The following GNPTAB variants were observed in gnomAD, a reference collection of about 807,000 sequenced individuals.
The protein encoded by GNPTAB is N-acetylglucosamine-1-phosphate transferase subunits alpha and beta.
A neutral mutation model predicts 136.6 loss-of-function variants in GNPTAB; 92 were observed. The observed-to-expected ratio is 0.67, with a 90% confidence interval of 0.57 to 0.80. The LOEUF is 0.80. GNPTAB is among the 30% of genes least tolerant of loss of function. The pLI is 0.00. For synonymous variants in GNPTAB, 512 were observed against 535.1 expected, an observed-to-expected ratio of 0.96 and a Z score of 0.60; for missense variants, 1,343 against 1,501.8, an observed-to-expected ratio of 0.89 and a Z score of 1.75.
At chr12:101,804,561 C>T (rs1218690416) in intron 1 of GNPTAB, among the ~76,000 whole-genome samples, 2 of 152,150 alleles carry the variant, frequency 1.3e-5, no homozygotes, top group African/African-American at 4.8e-5. Context: ...TGAGGGTAGA[C>T]CTGCACTGTC....
At chr12:101,819,198 G>A (rs775801220) in intron 1 of GNPTAB, among the ~76,000 whole-genome samples, 1 of 152,070 alleles carries the variant, frequency 6.6e-6, no homozygotes, top group Non-Finnish European at 1.5e-5. Context: ...TTTTGGTAGA[G>A]ACAGGGTTTC....
chr12:101,751,867 C>T (rs765993650), intron 19 of GNPTAB, among the ~76,000 whole-genome samples: 18 of 152,144 alleles, frequency 1.2e-4, no homozygotes, highest in Admixed American at 2.6e-4. Flanking sequence ...GGTTCATACG[C>T]GGGCTCCCCC....
intron 5 of GNPTAB, among the ~76,000 whole-genome samples, chr12:101,781,705 T>C (rs756724065): frequency 1.1e-4 from 16 of 151,924 alleles, no homozygotes; most frequent in Non-Finnish European, 1.9e-4. Flanking sequence ...AAAAACAATA[T>C]AGTTGGTGAG....
chr12:101,766,408 A>C (rs1953094602), intron 11 of GNPTAB, 114 bp from the exon 12 acceptor site: 2 of 883,074 alleles, frequency 2.3e-6, no homozygotes, highest in Non-Finnish European at 3.7e-6. Context: ...GAGGCAGAGG[A>C]GGCTGGATCA....
At chr12:101,779,304 T>C (rs1285310213) in intron 7 of GNPTAB, 1 of 152,208 alleles carries the variant, frequency 6.6e-6, no homozygotes, top group Non-Finnish European at 1.5e-5. Flanking sequence ...AAGGACTTTA[T>C]GCTCTCTACT....
intron 7 of GNPTAB, chr12:101,779,473 G>A (rs12229901): frequency 0.098 from 15,084 of 153,230 alleles, 890 homozygotes; most frequent in Middle Eastern, 0.2. Flanking sequence ...GAAAAGGCAC[G>A]TCCCAGGCCA....
At chr12:101,798,287 A>C (rs1163531228) in intron 1 of GNPTAB, among the ~76,000 whole-genome samples, 3 of 151,992 alleles carry the variant, frequency 2.0e-5, no homozygotes, top group Non-Finnish European at 1.5e-5. Flanking sequence ...CCTTCTATCT[A>C]ATCTTTCTGT....
intron 19 of GNPTAB, 61 bp downstream of exon 19, chr12:101,753,311 A>T: frequency 8.3e-7 from 1 of 1,211,908 alleles, no homozygotes; most frequent in Non-Finnish European, 1.2e-6. Flanking sequence ...ACTAACATAT[A>T]GATACATATG....
At chr12:101,796,072 GCTCCTCCCTCAT>G (rs1869263998) in intron 2 of GNPTAB, 1 of 588,852 alleles carries the variant, frequency 1.7e-6, no homozygotes, top group Non-Finnish European at 3.0e-6. Context: ...GAGGCTATTT[GCTCCTCCCTCAT>G]AGGTAAGCAG....
intron 7 of GNPTAB, chr12:101,773,519 A>G (rs1953214445): frequency 6.2e-6 from 1 of 160,684 alleles, no homozygotes; most frequent in South Asian, 1.5e-4. Context: ...GTCTAGTTTA[A>G]TTTCATAACT....
rs1952853493 is a variant in GNPTAB at position 101,753,486 on chromosome 12, G to T, written c.3488C>A (p.Thr1163Lys). The stretch of plus-strand genomic sequence containing the variant: ...GAAGTCCCTGAGAACAGCCTTCACT[G>T]TCTGAGCATCTTTATGATTGTGGTC... ...NIDHNHKDAQ[T>K]VKAVLRDFYE... is the part of the protein sequence containing the mutation. Residue 1163 changes from threonine (T) to lysine (K), a missense_variant, in exon 19 of 21, where the codon ACA (threonine) becomes AAA (lysine). Transcript: ENST00000299314. 4.3e-6 allele frequency: 7 copies of T among 1,613,730 alleles called. No homozygotes were observed. The highest frequency in any genetic ancestry group is 5.9e-6 in the Non-Finnish European group (7 of 1,179,622).
intron 11 of GNPTAB, among the ~76,000 whole-genome samples, chr12:101,766,761 A>G (rs1223048553): frequency 6.6e-6 from 1 of 152,258 alleles, no homozygotes; most frequent in Non-Finnish European, 1.5e-5. Context: ...ATACCTTAAG[A>G]AGAAAATAAA....
rs375264593 is a variant in GNPTAB, at chr12:101,790,007, G to C, written c.254C>G (p.Thr85Arg). 1.9e-6 allele frequency: 3 copies of C among 1,614,096 alleles called. No individual in the cohort carries two copies. Among genetic ancestry groups the C allele is most frequent in the Non-Finnish European group, 1.7e-6 (2 of 1,180,002 alleles). Residue 85 changes from threonine to arginine, a missense_variant, in exon 3 of 21, where the codon ACA becomes AGA. By Grantham distance (71) the Thr-to-Arg change is moderately conservative. Coordinates refer to ENST00000299314, the MANE Select transcript of GNPTAB (RefSeq NM_024312.5). ...TAGTTCCTTCAGTAGTTCAAGATCT[G>C]TGCCATTCACCCAGGTGTAAACAAC... ...IDVVYTWVNG[T>R]DLELLKELQQ...
intron 10 of GNPTAB, among the ~76,000 whole-genome samples, chr12:101,769,734 C>T (rs1283130895): frequency 6.6e-6 from 1 of 151,958 alleles, no homozygotes; most frequent in Non-Finnish European, 1.5e-5. Flanking sequence ...CCTACTCCCC[C>T]CACGGCCCCC....
At chr12:101,775,156 C>T (rs1441841666) in intron 7 of GNPTAB, among the ~76,000 whole-genome samples, 1 of 152,196 alleles carries the variant, frequency 6.6e-6, no homozygotes, top group African/African-American at 2.4e-5. Context: ...TCCAAAATAA[C>T]AAGGCTTTCC....
chr12:101,765,328 AT>A lies in GNPTAB; in HGVS notation c.1613-25del, dbSNP rs546802775. 3,806 of 1,424,076 alleles carry A rather than the reference AT, an allele frequency of 2.7e-3. No individual in the cohort carries two copies. The highest frequency in any genetic ancestry group is 3.2e-3 in the Non-Finnish European group (3,249 of 1,024,526). 88.2% of individuals were successfully genotyped at this position (1,424,076 alleles called of 1,614,324 possible). On this transcript the variant is annotated intron_variant, in intron 12 of 20. Coordinates refer to ENST00000299314, the MANE Select transcript of GNPTAB (RefSeq NM_024312.5). ...ATCTAGAGGAAAAAACAGAAACATG[AT>A]TTTTTTTTTAACTGGGCATTTTTCC... is the stretch of plus-strand genomic sequence containing the variant.
chr12:101,814,090 A>G (rs7135718), intron 1 of GNPTAB, among the ~76,000 whole-genome samples: 27,286 of 142,772 alleles, frequency 0.19, 2,563 homozygotes, highest in African/African-American at 0.25. Context: ...AAAAAAAAAA[A>G]AGAGTTCAAG....
intron 1 of GNPTAB, among the ~76,000 whole-genome samples, chr12:101,813,994 G>A (rs555038382): frequency 5.3e-5 from 8 of 150,856 alleles, no homozygotes; most frequent in East Asian, 2.0e-4. Flanking sequence ...CAGAAGAATC[G>A]CTTGAACCCG....
chr12:101,771,240 T>A lies in GNPTAB; in HGVS notation c.772-83A>T, dbSNP rs114044498. On this transcript the variant is annotated intron_variant, in intron 7 of 20. Transcript: ENST00000299314. The stretch of plus-strand genomic sequence containing the variant: ...TTTAAATTCCCACTCTGCTCTTTAA[T>A]CTTTCCTTTTTTTTTTTTTTTTGAG... 1,785 of 1,113,716 alleles carry A rather than the reference T, an allele frequency of 1.6e-3. 30 individuals carry two copies. In the African/African-American group the frequency reaches 0.025, roughly 16 times the overall value. The allele number at this position is 1,113,716 out of a possible 1,614,324, so 69.0% of individuals were successfully genotyped here.
Sources: gnomAD v4.1 joint callset for allele counts (sites outside exome capture counted in the v4.1 genomes callset) on GRCh38, gnomAD v4.1.1 for gene constraint, MANE v1.5 for transcripts, NCBI Gene and HGNC (gene_info 2026-07-23, HGNC 2026-07-21) for gene names.